KAZN: variants seen among roughly 807,000 people sequenced by gnomAD.
KAZN encodes the protein kazrin.
Under a neutral mutation model 87.4 loss-of-function variants are expected in KAZN, and 40 were observed. The observed-to-expected ratio is 0.46, with a 90% CI of 0.36 to 0.60. The LOEUF (loss-of-function observed/expected upper bound fraction) is 0.60. Among genes scored for constraint, KAZN ranks in the 20% least tolerant of loss-of-function variants. The pLI is 0.00. For synonymous variants in KAZN, 466 were observed against 458.3 expected, an observed-to-expected ratio of 1.02 and a Z score of -0.22; for missense variants, 898 against 1,073.9, an observed-to-expected ratio of 0.84 and a Z score of 2.29.
intron 1 of KAZN, among the ~76,000 whole-genome samples, chr1:14,114,191 G>A (rs963431493): frequency 6.6e-6 from 1 of 152,174 alleles, no homozygotes; most frequent in African/African-American, 2.4e-5. Context: ...GTTCTTCAGG[G>A]CCACAGCAGC....
chr1:14,225,014 A>G (rs1390971743), intron 2 of KAZN, among the ~76,000 whole-genome samples: 1 of 152,114 alleles, frequency 6.6e-6, no homozygotes, highest in Non-Finnish European at 1.5e-5. Flanking sequence ...CACTCTCACT[A>G]CTCCTATTCA....
intron 1 of KAZN, among the ~76,000 whole-genome samples, chr1:13,915,105 ATGCATGTGTATACG>A (rs1256470166): frequency 2.0e-5 from 3 of 152,268 alleles, no homozygotes; most frequent in Admixed American, 6.5e-5. Flanking sequence ...ATGTACACAC[ATGCATGTGTATACG>A]TGCAGTTGTA....
intron 2 of KAZN, among the ~76,000 whole-genome samples, chr1:14,585,817 G>A (rs1216062332): frequency 2.0e-5 from 3 of 152,194 alleles, no homozygotes; most frequent in African/African-American, 2.4e-5. Context: ...CCACCGCACC[G>A]ATGTCAGCTA....
intron 2 of KAZN, among the ~76,000 whole-genome samples, chr1:14,478,781 T>C (rs1269949623): frequency 1.3e-5 from 2 of 152,194 alleles, no homozygotes; most frequent in African/African-American, 4.8e-5. Flanking sequence ...TCTTGTCCAC[T>C]GTCAGCAACA....
chr1:14,758,360 T>C (rs1048672335), intron 1 of KAZN, among the ~76,000 whole-genome samples: 2 of 145,216 alleles, frequency 1.4e-5, no homozygotes, highest in African/African-American at 2.6e-5. Flanking sequence ...ATTTTTAGAG[T>C]TGGGGTCTTG....
At chr1:13,982,758 G>C (rs1332573573) in intron 1 of KAZN, among the ~76,000 whole-genome samples, 5 of 152,204 alleles carry the variant, frequency 3.3e-5, no homozygotes. Flanking sequence ...GGCCCCACCA[G>C]AGCAGCTAGA....
At chr1:15,060,339 C>T (rs933087423) in intron 6 of KAZN, 37 bp downstream of exon 6, 4 of 1,612,682 alleles carry the variant, frequency 2.5e-6, no homozygotes, top group Admixed American at 1.7e-5. Context: ...GCCCCTGGGC[C>T]CTGCCCAGAA....
At chr1:14,453,163 T>G (rs6671980) in intron 2 of KAZN, among the ~76,000 whole-genome samples, 87,522 of 151,754 alleles carry the variant, frequency 0.58, 25,791 homozygotes, top group African/African-American at 0.69. Flanking sequence ...CACCATGTTA[T>G]CCAGGATTGT....
intron 2 of KAZN, among the ~76,000 whole-genome samples, chr1:14,282,186 C>T (rs986867630): frequency 6.6e-6 from 1 of 152,074 alleles, no homozygotes; most frequent in East Asian, 1.9e-4. Flanking sequence ...TTGTCCATAC[C>T]CTGCACCAGA....
intron 1 of KAZN, among the ~76,000 whole-genome samples, chr1:14,092,838 T>C (rs1172538432): frequency 6.6e-6 from 1 of 152,226 alleles, no homozygotes; most frequent in Non-Finnish European, 1.5e-5. Flanking sequence ...ATGTACTTTG[T>C]GAAATTAATT....
chr1:14,421,196 T>C (rs1414498787), intron 2 of KAZN, among the ~76,000 whole-genome samples: 3 of 152,248 alleles, frequency 2.0e-5, no homozygotes, highest in Non-Finnish European at 4.4e-5. Context: ...AATAATTGTT[T>C]GCCCTCATTA....
At chr1:14,683,718 G>T (rs1262251322) in intron 1 of KAZN, among the ~76,000 whole-genome samples, 2 of 152,212 alleles carry the variant, frequency 1.3e-5, no homozygotes, top group Non-Finnish European at 2.9e-5. Context: ...CCTCAGGAAA[G>T]GTTCCCAAAC....
intron 2 of KAZN, among the ~76,000 whole-genome samples, chr1:14,479,788 G>A (rs1040755963): frequency 6.6e-6 from 1 of 152,150 alleles, no homozygotes; most frequent in Non-Finnish European, 1.5e-5. Context: ...GGACGTGGGA[G>A]GCGTTGCCAA....
intron 2 of KAZN, among the ~76,000 whole-genome samples, chr1:14,366,604 G>C (rs557015435): frequency 1.3e-5 from 2 of 152,314 alleles, no homozygotes; most frequent in East Asian, 3.9e-4. Context: ...GTGTGAGCGG[G>C]TGCAGGAGCC....
chr1:14,408,598 C>T (rs1030370707), intron 2 of KAZN, among the ~76,000 whole-genome samples: 25 of 152,186 alleles, frequency 1.6e-4, no homozygotes, highest in African/African-American at 5.8e-4. Context: ...CCTCATACAA[C>T]AAAGAGAACG....
At chr1:14,027,783 C>T (rs1231615252) in intron 1 of KAZN, among the ~76,000 whole-genome samples, 1 of 152,092 alleles carries the variant, frequency 6.6e-6, no homozygotes, top group African/African-American at 2.4e-5. Flanking sequence ...TTTTCTCAAT[C>T]GATATTTTTG....
At chr1:14,196,551 G>C (rs1273555134) in intron 2 of KAZN, among the ~76,000 whole-genome samples, 1 of 152,022 alleles carries the variant, frequency 6.6e-6, no homozygotes, top group Non-Finnish European at 1.5e-5. Flanking sequence ...ATTTTGGCTT[G>C]GGCATCTGGA....
chr1:15,090,043 T>G (rs972694377), intron 8 of KAZN, among the ~76,000 whole-genome samples: 1 of 152,254 alleles, frequency 6.6e-6, no homozygotes, highest in South Asian at 2.1e-4. Context: ...TTCATCCTGG[T>G]ATCTGCAACT....
At chr1:14,853,132 G>A (rs1262866729) in intron 1 of KAZN, among the ~76,000 whole-genome samples, 5 of 152,140 alleles carry the variant, frequency 3.3e-5, no homozygotes, top group Non-Finnish European at 7.3e-5. Context: ...GGAGGAGCTG[G>A]GTATCATGCC....
Sources: gnomAD v4.1 joint callset for allele counts (sites outside exome capture counted in the v4.1 genomes callset) on GRCh38, gnomAD v4.1.1 for gene constraint, MANE v1.5 for transcripts, NCBI Gene and HGNC (gene_info 2026-07-23, HGNC 2026-07-21) for gene names.